Variants in INSL6 observed in about 807,000 individuals in gnomAD.
INSL6 encodes insulin like 6.
INSL6 carries 16 observed loss-of-function variants against 9.4 expected under a neutral mutation model. The ratio of observed to expected loss-of-function variants is 1.70; its 90% confidence interval spans 1.15 to 2.59. The LOEUF is 2.59. Ranked by LOEUF, INSL6 falls within the 30% of genes most tolerant of loss-of-function variation. INSL6 has a pLI of 0.00. For missense variants in INSL6, 391 were observed against 257.3 expected (o/e 1.52, Z -3.56); for synonymous variants, 154 against 96.9 (o/e 1.59, Z -3.46).
At chr9:5,175,059 T>C (rs7032706) in intron 1 of INSL6, among the ~76,000 whole-genome samples, 93,441 of 151,570 alleles carry the variant, frequency 0.62, 30,944 homozygotes, top group African/African-American at 0.88. Context: ...CCTGCCTCAG[T>C]CTCCCGAGTA....
At chr9:5,028,211 T>C in the INSL6 span, among the ~76,000 whole-genome samples, 2 of 152,222 alleles carry the variant, frequency 1.3e-5, no homozygotes, top group Admixed American at 6.5e-5. Flanking sequence ...TTAGCAGGCA[T>C]GAAAACAACA....
the INSL6 span, among the ~76,000 whole-genome samples, chr9:5,025,830 C>A: frequency 1.2e-4 from 19 of 152,148 alleles, no homozygotes; most frequent in Admixed American, 1.2e-3. Context: ...GAATCTATTT[C>A]TTTAATGGTT....
chr9:5,139,384 G>T (rs767465622), intron 2 of INSL6, among the ~76,000 whole-genome samples: 19 of 152,146 alleles, frequency 1.2e-4, no homozygotes, highest in Non-Finnish European at 2.4e-4. Context: ...TTTGTAGAAG[G>T]AGCAATGTAG....
chr9:5,140,264 G>T (rs1342211535), intron 2 of INSL6, among the ~76,000 whole-genome samples: 1 of 152,070 alleles, frequency 6.6e-6, no homozygotes, highest in Admixed American at 6.6e-5. Flanking sequence ...ACAGCTATCA[G>T]ATCAGAACTC....
At chr9:5,010,544 C>T in the INSL6 span, among the ~76,000 whole-genome samples, 1 of 152,194 alleles carries the variant, frequency 6.6e-6, no homozygotes, top group East Asian at 1.9e-4. Context: ...TGGTCTCGAA[C>T]TCCTGACCTC....
chr9:5,077,603 C>A, the INSL6 span: 1 of 1,410,078 alleles, frequency 7.1e-7, no homozygotes. Flanking sequence ...ACCTTTTTAT[C>A]AAAAGATACT....
At chr9:5,078,477 T>G in the INSL6 span, 1 of 1,561,292 alleles carries the variant, frequency 6.4e-7, no homozygotes, top group Non-Finnish European at 8.7e-7. Flanking sequence ...ATAATGTTAC[T>G]AAGCTTTACT....
intron 2 of INSL6, among the ~76,000 whole-genome samples, chr9:5,153,863 G>C (rs952875017): frequency 6.6e-6 from 1 of 152,224 alleles, no homozygotes; most frequent in African/African-American, 2.4e-5. Context: ...CTCATGGATA[G>C]AAAGAATCAA....
chr9:5,060,105 G>A, the INSL6 span, among the ~76,000 whole-genome samples: 1 of 152,152 alleles, frequency 6.6e-6, no homozygotes, highest in East Asian at 1.9e-4. Flanking sequence ...AGTCTACTAA[G>A]TGTGCAACAG....
the INSL6 span, chr9:5,069,346 C>T: frequency 3.6e-6 from 2 of 557,424 alleles, no homozygotes; most frequent in South Asian, 6.0e-5. Context: ...TTCTATTGTA[C>T]AAGCATCATC....
the INSL6 span, chr9:5,069,890 T>C: frequency 7.0e-7 from 1 of 1,424,824 alleles, no homozygotes; most frequent in Non-Finnish European, 9.7e-7. Context: ...TTTCAGTGTA[T>C]TTTGAAGTGA....
At chr9:5,112,298 G>GCCCT in the INSL6 span, 1 of 266,172 alleles carries the variant, frequency 3.8e-6, no homozygotes, top group African/African-American at 2.3e-5. Flanking sequence ...CATCCATGTT[G>GCCCT]CCCTCTCCAG....
At chr9:5,161,571 T>C (rs62541945), downstream of INSL6, among the ~76,000 whole-genome samples, 34,280 of 152,114 alleles carry the variant, frequency 0.23, 4,567 homozygotes, top group South Asian at 0.3. Context: ...AACATAGTAC[T>C]GGAGGTCCAA....
At chr9:5,086,122 G>C in the INSL6 span, 1 of 431,808 alleles carries the variant, frequency 2.3e-6, no homozygotes, top group Non-Finnish European at 4.2e-6. Context: ...ATCGGCAGCG[G>C]CGCGCGGCCC....
chr9:5,104,068 A>T, the INSL6 span, among the ~76,000 whole-genome samples: 10 of 152,368 alleles, frequency 6.6e-5, no homozygotes, highest in African/African-American at 2.4e-4. Context: ...AACTAAGATC[A>T]GAGCAGAACT....
the INSL6 span, among the ~76,000 whole-genome samples, chr9:5,070,682 C>T: frequency 1.3e-5 from 2 of 151,902 alleles, no homozygotes; most frequent in Non-Finnish European, 2.9e-5. Flanking sequence ...GATGCAGAAC[C>T]CGCCCTGCCA....
chr9:5,112,406 T>G, the INSL6 span: 80 of 451,360 alleles, frequency 1.8e-4, 1 homozygote, highest in Non-Finnish European at 3.0e-4. Context: ...AGGAGGAGGA[T>G]GAGGAGAACA....
chr9:5,019,041 G>C, the INSL6 span, among the ~76,000 whole-genome samples: 1 of 152,150 alleles, frequency 6.6e-6, no homozygotes, highest in African/African-American at 2.4e-5. Context: ...TGGAGAACCT[G>C]TTGGAATTTT....
At chr9:5,109,861 C>T in the INSL6 span, 1 of 152,154 alleles carries the variant, frequency 6.6e-6, no homozygotes, top group Non-Finnish European at 1.5e-5. Context: ...TTCCAATATT[C>T]CACCAACAAA....
Sources: gnomAD v4.1 joint callset for allele counts (sites outside exome capture counted in the v4.1 genomes callset) on GRCh38, gnomAD v4.1.1 for gene constraint, MANE v1.5 for transcripts, NCBI Gene and HGNC (gene_info 2026-07-23, HGNC 2026-07-21) for gene names.